The following CNTNAP3 variants were observed in gnomAD, a reference collection of about 807,000 sequenced individuals.
The protein encoded by CNTNAP3 is contactin-associated protein-like 3.
Under a neutral mutation model 92.1 loss-of-function variants are expected in CNTNAP3, and 36 were observed. The observed-to-expected ratio is 0.39, with a 90% CI of 0.30 to 0.52. The LOEUF is 0.52. Ranked by LOEUF, CNTNAP3 falls within the 20% of genes least tolerant of loss-of-function variation. The probability of loss-of-function intolerance (pLI) is 0.76; values close to 1 mark genes in which losing one functional copy is unlikely to be tolerated. For synonymous variants in CNTNAP3, 232 were observed against 422.3 expected (o/e 0.55, Z 5.53); for missense variants, 534 against 1,069.6 (o/e 0.50, Z 6.98).
chr9:39,209,616 TCC>T, intron 3 of CNTNAP3, among the ~76,000 whole-genome samples: 1 of 71,826 alleles, frequency 1.4e-5, no homozygotes, highest in Admixed American at 1.6e-4. Flanking sequence ...CCTCCCTCCC[TCC>T]CTCCCCCACT....
At chr9:39,121,311 A>G (rs1271771183) in intron 13 of CNTNAP3, among the ~76,000 whole-genome samples, 1 of 152,170 alleles carries the variant, frequency 6.6e-6, no homozygotes, top group Non-Finnish European at 1.5e-5. Flanking sequence ...GGGACATTAC[A>G]TAATGATTTA....
At chr9:39,260,559 CAA>C (rs536562849) in intron 2 of CNTNAP3, among the ~76,000 whole-genome samples, 1 of 15,904 alleles carries the variant, frequency 6.3e-5, no homozygotes. Context: ...ACTAAAAATA[CAA>C]AAAAAAAAAA....
chr9:39,124,310 T>A (rs1187028833), intron 13 of CNTNAP3, among the ~76,000 whole-genome samples: 2 of 152,046 alleles, frequency 1.3e-5, no homozygotes, highest in African/African-American at 4.8e-5. Context: ...GAAGTGAGGA[T>A]ATGGAATCAT....
intron 23 of CNTNAP3, among the ~76,000 whole-genome samples, chr9:39,077,757 C>A (rs1355362512): frequency 6.6e-6 from 1 of 152,256 alleles, no homozygotes; most frequent in Non-Finnish European, 1.5e-5. Flanking sequence ...ATTACCGTGA[C>A]AAATATCCCA....
chr9:39,068,915 T>C lies in CNTNAP3; in HGVS notation c.*4975A>G, dbSNP rs1825574494. On this transcript the variant is annotated 3_prime_UTR_variant, in exon 24 of 24. Transcript: ENST00000297668. ...TTCATATATTTTGTCTGGTTTGAGGTTGTTTCATGCAGGAGGGTTAGAGGG... is the reference window on the plus strand; with the variant it reads ...TTCATATATTTTGTCTGGTTTGAGGCTGTTTCATGCAGGAGGGTTAGAGGG... Among the ~76,000 whole-genome samples the C allele has an allele frequency of 1.3e-5, 2 of 152,426 alleles. No homozygotes were observed. The highest frequency in any genetic ancestry group is 4.8e-5 in the African/African-American group (2 of 41,606).
rs946913151 is a variant in CNTNAP3 at position 39,205,061 on chromosome 9, GGTCA to G, written c.391-11790_391-11787del. Among the ~76,000 whole-genome samples, 20 of 56,138 alleles carry G rather than the reference GGTCA, an allele frequency of 3.6e-4. 4 individuals carry two copies. Among genetic ancestry groups the G allele is most frequent in the African/African-American group, 1.7e-3 (12 of 7,024 alleles). The allele number at this position is 56,138 out of a possible 152,430, so 36.8% of individuals were successfully genotyped here. ...TTCCTTAAGCCCTTTGCTCAGAGAT[GGTCA>G]GTATTTCATTGTCATAATAACCATA... On this transcript the variant is annotated intron_variant, in intron 3 of 23. Coordinates refer to ENST00000297668, the MANE Select transcript of CNTNAP3 (RefSeq NM_033655.5).
chr9:39,130,464 T>A lies in CNTNAP3; in HGVS notation c.2080+2468A>T, dbSNP rs1280379638. Reference sequence around the variant, plus strand: ...AAACCCATAGAAATGGAGAACATACTAGTGGTTATTAACGAGCAATAGGAG... The same window carrying A: ...AAACCCATAGAAATGGAGAACATACAAGTGGTTATTAACGAGCAATAGGAG... On this transcript the variant is annotated intron_variant, in intron 13 of 23. Transcript: ENST00000297668. Among the ~76,000 whole-genome samples, 5 of 151,240 alleles carry A rather than the reference T, an allele frequency of 3.3e-5. No homozygotes were observed. The East Asian group carries it at 9.7e-4, about 29-fold the overall frequency.
chr9:39,091,062 G>T (rs947926146), intron 18 of CNTNAP3, among the ~76,000 whole-genome samples: 1 of 151,796 alleles, frequency 6.6e-6, no homozygotes, highest in African/African-American at 2.4e-5. Context: ...CTTGGTTTTA[G>T]TTTTAATAGT....
chr9:39,078,684 A>G lies in CNTNAP3; in HGVS notation c.3673+6T>C. ...TTCAGGTGCGCAGGGGTGGAGGGCC[A>G]CACACCTGCGCCCCCCGCGAGTCGG... On this transcript the variant is annotated splice_donor_region_variant and intron_variant, in intron 22 of 23. Transcript: ENST00000297668. The G allele has an allele frequency of 6.5e-7, 1 of 1,546,018 alleles. No homozygotes were observed. The highest frequency in any genetic ancestry group is 8.7e-7 in the Non-Finnish European group (1 of 1,146,452).
chr9:39,128,387 A>C (rs1821198366), intron 13 of CNTNAP3, among the ~76,000 whole-genome samples: 1 of 152,082 alleles, frequency 6.6e-6, no homozygotes. Context: ...TATTTTTTAA[A>C]TTATACATTA....
chr9:39,105,774 G>A (rs1758529), intron 15 of CNTNAP3, among the ~76,000 whole-genome samples: 4 of 151,778 alleles, frequency 2.6e-5, no homozygotes, highest in Non-Finnish European at 5.9e-5. Flanking sequence ...TTTAGAAGCC[G>A]AGATCTGCAG....
intron 13 of CNTNAP3, among the ~76,000 whole-genome samples, chr9:39,128,919 CTAAA>C (rs1450896045): frequency 6.6e-6 from 1 of 151,328 alleles, no homozygotes; most frequent in Non-Finnish European, 1.5e-5. Context: ...AAGAAACTAA[CTAAA>C]TGCCTAAGCA....
chr9:39,077,505 C>T (rs373238363), intron 23 of CNTNAP3, among the ~76,000 whole-genome samples: 8 of 152,098 alleles, frequency 5.3e-5, no homozygotes, highest in Admixed American at 3.3e-4. Flanking sequence ...TGCAGTAAGT[C>T]GAGATTGCTT....
intron 15 of CNTNAP3, 115 bp from the exon 16 acceptor site, chr9:39,104,029 G>A: frequency 6.8e-7 from 1 of 1,478,398 alleles, no homozygotes; most frequent in Non-Finnish European, 9.0e-7. Flanking sequence ...ATCTATATGA[G>A]CTTTCACTGG....
At chr9:39,087,078 GTGT>G (rs1826077430) in intron 19 of CNTNAP3, among the ~76,000 whole-genome samples, 1 of 151,384 alleles carries the variant, frequency 6.6e-6, no homozygotes, top group East Asian at 2.0e-4. Context: ...AAGACTAAAT[GTGT>G]TGTTAATAAG....
In CNTNAP3 at chr9:39,226,932, ATATGTG is replaced by A. The variant is rs1177365095; in HGVS notation, c.390+12055_390+12060del. Among the ~76,000 whole-genome samples, 3 of 5,178 alleles carry A rather than the reference ATATGTG, an allele frequency of 5.8e-4. 1 individual carries two copies. Among genetic ancestry groups the A allele is most frequent in the African/African-American group, 6.2e-4 (3 of 4,812 alleles). 3.4% of individuals were successfully genotyped at this position (5,178 alleles called of 152,430 possible). A position where few individuals can be genotyped will look rare whatever the true frequency, so the allele number is the denominator to read the frequency against. ...GCATAGTATTCCATGGTGTGTATGT[ATATGTG>A]TGTATATATATATACCATATTTTCT... On this transcript the variant is annotated intron_variant, in intron 3 of 23. Coordinates refer to ENST00000297668, the MANE Select transcript of CNTNAP3 (RefSeq NM_033655.5).
chr9:39,144,967 C>A (rs895782424), intron 10 of CNTNAP3, among the ~76,000 whole-genome samples: 2 of 149,250 alleles, frequency 1.3e-5, no homozygotes, highest in African/African-American at 4.9e-5. Context: ...CCTTTTTTTG[C>A]AGAAAACAAA....
At chr9:39,113,291 C>G (rs549690975) in intron 14 of CNTNAP3, among the ~76,000 whole-genome samples, 4 of 152,284 alleles carry the variant, frequency 2.6e-5, no homozygotes, top group African/African-American at 7.2e-5. Flanking sequence ...ATTTATTTGG[C>G]TGTCCTTAAT....
intron 13 of CNTNAP3, among the ~76,000 whole-genome samples, chr9:39,118,717 T>C (rs2315709): frequency 0.089 from 9,901 of 110,650 alleles, no homozygotes; most frequent in African/African-American, 0.12. Flanking sequence ...TGGAAAGATA[T>C]GGTACTCTCT....
Sources: allele counts gnomAD v4.1 joint callset (sites outside exome capture counted in the v4.1 genomes callset), GRCh38; gene constraint gnomAD v4.1.1; transcripts MANE v1.5; gene names NCBI Gene and HGNC (gene_info 2026-07-23, HGNC 2026-07-21).